Variants in PTPRN2 observed in about 807,000 individuals in gnomAD.
PTPRN2 encodes the protein protein tyrosine phosphatase receptor type N2.
In PTPRN2, 74 loss-of-function variants were observed where a neutral mutation model predicts 118.8. The ratio of observed to expected loss-of-function variants is 0.62; its 90% CI spans 0.52 to 0.76. PTPRN2 has a LOEUF of 0.76. Ranked by LOEUF, PTPRN2 falls within the 30% of genes least tolerant of loss-of-function variation. The probability of loss-of-function intolerance (pLI) is 0.00; values close to 1 mark genes in which losing one functional copy is unlikely to be tolerated. For synonymous variants in PTPRN2, 641 were observed against 608.0 expected, an observed-to-expected ratio of 1.05 and a Z score of -0.80; for missense variants, 1,481 against 1,394.4, an observed-to-expected ratio of 1.06 and a Z score of -0.99.
intron 3 of PTPRN2, among the ~76,000 whole-genome samples, chr7:158,237,859 T>G (rs1481186229): frequency 1.3e-5 from 2 of 152,024 alleles, no homozygotes; most frequent in African/African-American, 4.8e-5. Flanking sequence ...ACACAGCGCT[T>G]ACATGGGAGT....
At chr7:157,799,893 C>T (rs1487232746) in intron 12 of PTPRN2, among the ~76,000 whole-genome samples, 2 of 145,928 alleles carry the variant, frequency 1.4e-5, no homozygotes, top group African/African-American at 2.6e-5. Context: ...CCACAGCCGG[C>T]CCCCTCCATC....
intron 9 of PTPRN2, among the ~76,000 whole-genome samples, chr7:158,124,640 G>A (rs765815802): frequency 6.6e-6 from 1 of 152,226 alleles, no homozygotes; most frequent in African/African-American, 2.4e-5. Context: ...TCTGAATGGG[G>A]AGAAGACGTG....
At chr7:157,840,804 C>CCA (rs1322137901) in intron 12 of PTPRN2, among the ~76,000 whole-genome samples, 12 of 152,240 alleles carry the variant, frequency 7.9e-5, no homozygotes, top group Non-Finnish European at 7.3e-5. Flanking sequence ...TGGTCTCAGG[C>CCA]CACAGGACCC....
rs547982323 is a variant in PTPRN2, at chr7:158,004,207, A to G, written c.1723+77091T>C. On this transcript the variant is annotated intron_variant, in intron 11 of 22. Transcript: ENST00000389418. ...TCACATGATGTTTCTGCCTGAGAGA[A>G]GTAGGCAGGGTCTAGGGGCCATCCT... Among the ~76,000 whole-genome samples, 8 of 152,302 alleles carry G rather than the reference A, an allele frequency of 5.3e-5. No individual in the cohort carries two copies. The East Asian group carries it at 1.5e-3, about 29-fold the overall frequency.
intron 11 of PTPRN2, among the ~76,000 whole-genome samples, chr7:157,968,153 A>T (rs61062798): frequency 1.2e-3 from 183 of 152,282 alleles, no homozygotes; most frequent in African/African-American, 4.2e-3. Flanking sequence ...ACTCAATATT[A>T]AAAAAATTCA....
chr7:158,521,609 A>G (rs60327528), intron 1 of PTPRN2, among the ~76,000 whole-genome samples: 8,394 of 45,216 alleles, frequency 0.19, 1,622 homozygotes, highest in African/African-American at 0.35. Context: ...TGGACTGTCC[A>G]GGTAGTGGCT....
At chr7:157,768,363 G>C (rs566686774) in intron 12 of PTPRN2, among the ~76,000 whole-genome samples, 1 of 152,152 alleles carries the variant, frequency 6.6e-6, no homozygotes, top group African/African-American at 2.4e-5. Flanking sequence ...CACAGCACAC[G>C]GGCAGAACCG....
At chr7:158,396,815 G>T (rs1693107202) in intron 2 of PTPRN2, among the ~76,000 whole-genome samples, 1 of 152,230 alleles carries the variant, frequency 6.6e-6, no homozygotes, top group African/African-American at 2.4e-5. Flanking sequence ...AACAGCTGTA[G>T]AGAATGCCAA....
At position 157,691,550 on chromosome 7, in the gene PTPRN2, T is replaced by C. The variant is rs368181156; in HGVS notation, c.1789-8613A>G. Among the ~76,000 whole-genome samples, 22 of 152,300 alleles carry C rather than the reference T, an allele frequency of 1.4e-4. No homozygotes were observed. In the East Asian group the frequency reaches 2.9e-3, roughly 20 times the overall value. On this transcript the variant is annotated intron_variant, in intron 12 of 22. Coordinates refer to ENST00000389418, the MANE Select transcript of PTPRN2 (RefSeq NM_002847.5). ...GGTCCCGATGCGCGTAGAAAGTGTCTTGCGAGACGCGGAACTGGTGAGACT... is the reference window on the plus strand; with the variant it reads ...GGTCCCGATGCGCGTAGAAAGTGTCCTGCGAGACGCGGAACTGGTGAGACT...
intron 12 of PTPRN2, among the ~76,000 whole-genome samples, chr7:157,876,785 G>A (rs143367672): frequency 1.7e-3 from 258 of 152,332 alleles, no homozygotes; most frequent in African/African-American, 5.7e-3. Context: ...AGGGAAGGTC[G>A]GGGCAGCTGC....
At chr7:158,112,197 GA>G (rs1326964243) in intron 9 of PTPRN2, among the ~76,000 whole-genome samples, 2 of 152,338 alleles carry the variant, frequency 1.3e-5, no homozygotes, top group East Asian at 3.9e-4. Context: ...CCTGTCGGCT[GA>G]CAAGTTCTCT....
intron 2 of PTPRN2, among the ~76,000 whole-genome samples, chr7:158,477,085 TG>T (rs1820329745): frequency 3.9e-5 from 6 of 152,242 alleles, no homozygotes; most frequent in Admixed American, 3.9e-4. Context: ...CATTGGAATT[TG>T]GGAGTGCAAT....
intron 12 of PTPRN2, among the ~76,000 whole-genome samples, chr7:157,756,554 G>A (rs948206269): frequency 2.6e-5 from 4 of 152,164 alleles, no homozygotes; most frequent in Non-Finnish European, 5.9e-5. Flanking sequence ...GGGATTACAG[G>A]TGTGAGCCAC....
At chr7:157,549,965 G>T (rs1028042735) in intron 21 of PTPRN2, among the ~76,000 whole-genome samples, 1 of 152,208 alleles carries the variant, frequency 6.6e-6, no homozygotes, top group African/African-American at 2.4e-5. Context: ...AAATAGAGAC[G>T]CGGCCAATGG....
At chr7:158,060,585 G>A (rs1340171777) in intron 11 of PTPRN2, among the ~76,000 whole-genome samples, 1 of 152,214 alleles carries the variant, frequency 6.6e-6, no homozygotes, top group Non-Finnish European at 1.5e-5. Context: ...ATTGACATCT[G>A]CAAAGATCCT....
In PTPRN2 at chr7:158,341,775, C is replaced by T. The variant is rs796957837; in HGVS notation, c.164-24843G>A. ...ACACTCTCACCATAAGAGCTGACACCTGCAGACGTCACTCACACCCACACT... is the reference window on the plus strand; with the variant it reads ...ACACTCTCACCATAAGAGCTGACACTTGCAGACGTCACTCACACCCACACT... On this transcript the variant is annotated intron_variant, in intron 2 of 22. Transcript: ENST00000389418. 4.2e-5 allele frequency among the ~76,000 whole-genome samples: 6 copies of T among 143,236 alleles called. No individual in the cohort carries two copies. The East Asian group carries it at 1.3e-3, about 30-fold the overall frequency. The allele number at this position is 143,236 out of a possible 152,430, so 94.0% of individuals were successfully genotyped here.
chr7:158,072,724 GA>G (rs1812038100), intron 11 of PTPRN2, among the ~76,000 whole-genome samples: 1 of 152,150 alleles, frequency 6.6e-6, no homozygotes, highest in Non-Finnish European at 1.5e-5. Context: ...ACTCACAGGG[GA>G]CACCAACTGC....
intron 12 of PTPRN2, among the ~76,000 whole-genome samples, chr7:157,772,290 A>AACACACATACACACAAAGACAT (rs1321729706): frequency 2.5e-5 from 3 of 121,494 alleles, no homozygotes; most frequent in East Asian, 2.1e-4. Context: ...CAGACACACA[A>AACACACATACACACAAAGACAT]ACACACAGAC....
chr7:157,653,159 C>T lies in PTPRN2; in HGVS notation c.2196+3198G>A, dbSNP rs76015223. Among the ~76,000 whole-genome samples, 508 of 152,366 alleles carry T rather than the reference C, an allele frequency of 3.3e-3. 4 individuals are homozygous for T. The highest frequency in any genetic ancestry group is 0.012 in the African/African-American group (496 of 41,588). ...TCCCACCTGCTGGGGCTCCTCACAT[C>T]TAGCTTGGCCTCCAGACATCACCAA... On this transcript the variant is annotated intron_variant, in intron 14 of 22. Coordinates refer to ENST00000389418, the MANE Select transcript of PTPRN2 (RefSeq NM_002847.5).
Sources: gnomAD v4.1 joint callset for allele counts (sites outside exome capture counted in the v4.1 genomes callset) on GRCh38, gnomAD v4.1.1 for gene constraint, MANE v1.5 for transcripts, NCBI Gene and HGNC (gene_info 2026-07-23, HGNC 2026-07-21) for gene names.